The following ZFAND3 variants were observed in gnomAD, a reference collection of about 807,000 sequenced individuals.
ZFAND3 encodes AN1-type zinc finger protein 3.
ZFAND3 carries 10 observed loss-of-function variants against 29.6 expected under a neutral mutation model. The observed-to-expected ratio is 0.34, with a 90% CI of 0.21 to 0.57. ZFAND3 has a LOEUF of 0.57. Among genes scored for constraint, ZFAND3 ranks in the 20% least tolerant of loss-of-function variants. The pLI is 0.86. For missense variants in ZFAND3, 230 were observed against 304.5 expected (o/e 0.76, Z 1.82); for synonymous variants, 128 against 112.6 (o/e 1.14, Z -0.87).
chr6:37,922,077 A>G (rs1761391898), intron 1 of ZFAND3, among the ~76,000 whole-genome samples: 1 of 152,118 alleles, frequency 6.6e-6, no homozygotes, highest in Admixed American at 6.6e-5. Context: ...AATGAAATAT[A>G]AAATATAAAA....
At chr6:37,919,714 G>A (rs1761336815) in intron 1 of ZFAND3, among the ~76,000 whole-genome samples, 2 of 152,098 alleles carry the variant, frequency 1.3e-5, no homozygotes. Context: ...ATCTTCAGAG[G>A]CCTTCTTCAA....
chr6:37,917,822 G>A (rs1202006948), intron 1 of ZFAND3, among the ~76,000 whole-genome samples: 1 of 152,074 alleles, frequency 6.6e-6, no homozygotes, highest in Non-Finnish European at 1.5e-5. Flanking sequence ...CAAACTCCCT[G>A]AGAATGGCCT....
At chr6:38,000,077 G>A (rs1762918334) in intron 2 of ZFAND3, among the ~76,000 whole-genome samples, 1 of 152,090 alleles carries the variant, frequency 6.6e-6, no homozygotes, top group Non-Finnish European at 1.5e-5. Context: ...GGTGGCACAA[G>A]TAGAATTGCT....
At chr6:37,835,548 T>C (rs145679181) in intron 1 of ZFAND3, among the ~76,000 whole-genome samples, 129 of 152,220 alleles carry the variant, frequency 8.5e-4, no homozygotes, top group African/African-American at 3.1e-3. Flanking sequence ...TTTGTATTAT[T>C]TTAAATCCTT....
intron 2 of ZFAND3, among the ~76,000 whole-genome samples, chr6:38,056,166 G>T (rs1328987639): frequency 1.3e-5 from 2 of 152,182 alleles, no homozygotes; most frequent in African/African-American, 4.8e-5. Flanking sequence ...ATAGTGAAAA[G>T]TTGGTAAATG....
intron 2 of ZFAND3, among the ~76,000 whole-genome samples, chr6:38,011,812 C>T (rs1763158549): frequency 1.3e-5 from 2 of 152,120 alleles, no homozygotes; most frequent in Non-Finnish European, 2.9e-5. Flanking sequence ...CATTTATGAT[C>T]ACACCTGATC....
intron 5 of ZFAND3, among the ~76,000 whole-genome samples, chr6:38,120,972 T>C (rs1178566880): frequency 6.6e-6 from 1 of 152,228 alleles, no homozygotes; most frequent in Non-Finnish European, 1.5e-5. Context: ...AATCTGAATA[T>C]GCAGAAAGCA....
chr6:37,881,841 A>G (rs1764901669), intron 1 of ZFAND3, among the ~76,000 whole-genome samples: 1 of 152,030 alleles, frequency 6.6e-6, no homozygotes, highest in African/African-American at 2.4e-5. Flanking sequence ...TAGAATTTCA[A>G]CAATTTTAGT....
chr6:37,932,552 A>T (rs1761619438), intron 2 of ZFAND3, among the ~76,000 whole-genome samples: 1 of 152,226 alleles, frequency 6.6e-6, no homozygotes, highest in Non-Finnish European at 1.5e-5. Flanking sequence ...ATTTGTCCCC[A>T]CATGGAGACC....
At chr6:37,914,430 C>T (rs1202745970) in intron 1 of ZFAND3, among the ~76,000 whole-genome samples, 1 of 152,090 alleles carries the variant, frequency 6.6e-6, no homozygotes, top group Non-Finnish European at 1.5e-5. Context: ...CCTCTGCCTC[C>T]TGTGTTCAAG....
At chr6:37,868,235 CCTGTAGG>C (rs1293897995) in intron 1 of ZFAND3, among the ~76,000 whole-genome samples, 1 of 152,004 alleles carries the variant, frequency 6.6e-6, no homozygotes, top group Non-Finnish European at 1.5e-5. Flanking sequence ...CATTCCCTGC[CCTGTAGG>C]AGTGATAGTT....
chr6:37,910,008 A>G (rs1347866590), intron 1 of ZFAND3, among the ~76,000 whole-genome samples: 2 of 152,202 alleles, frequency 1.3e-5, no homozygotes, highest in African/African-American at 4.8e-5. Context: ...AATTTACATG[A>G]TTTGCGTTTT....
intron 1 of ZFAND3, among the ~76,000 whole-genome samples, chr6:37,919,533 C>T (rs960771744): frequency 6.6e-6 from 1 of 151,654 alleles, no homozygotes; most frequent in African/African-American, 2.4e-5. Context: ...TTTTAGCCTC[C>T]AAGTTGTTTG....
chr6:38,049,227 G>T (rs1763971482), intron 2 of ZFAND3, among the ~76,000 whole-genome samples: 1 of 152,174 alleles, frequency 6.6e-6, no homozygotes, highest in Non-Finnish European at 1.5e-5. Flanking sequence ...TCATACCAGA[G>T]AAATTATTTT....
rs565315219 is a variant in ZFAND3 at position 37,871,897 on chromosome 6, T to G, written c.71+51881T>G. 1.1e-4 allele frequency among the ~76,000 whole-genome samples: 17 copies of G among 152,336 alleles called. No homozygotes were observed. The South Asian group carries it at 3.3e-3, about 30-fold the overall frequency. On this transcript the variant is annotated intron_variant, in intron 1 of 5. Coordinates refer to ENST00000287218, the MANE Select transcript of ZFAND3 (RefSeq NM_021943.3). ...CATTTCACTTGAATGGTCTCAAAATTGAAACCATCTTTCCCACCACCATCA... is the reference window on the plus strand; with the variant it reads ...CATTTCACTTGAATGGTCTCAAAATGGAAACCATCTTTCCCACCACCATCA...
intron 2 of ZFAND3, among the ~76,000 whole-genome samples, chr6:38,016,916 A>G (rs1219896323): frequency 6.6e-6 from 1 of 151,818 alleles, no homozygotes; most frequent in Non-Finnish European, 1.5e-5. Context: ...AGCGAGGAAA[A>G]CTCTTCCTTA....
intron 1 of ZFAND3, among the ~76,000 whole-genome samples, chr6:37,849,890 C>A (rs1187423): frequency 0.32 from 48,530 of 152,042 alleles, 8,177 homozygotes; most frequent in Non-Finnish European, 0.38. Context: ...GCCACCATCT[C>A]CCATCCTTTC....
In ZFAND3 at chr6:38,061,478, G is replaced by GTC. The variant is rs1764238319; in HGVS notation, c.113-115_113-114insTC. On this transcript the variant is annotated intron_variant, in intron 2 of 5. Coordinates refer to ENST00000287218, the MANE Select transcript of ZFAND3 (RefSeq NM_021943.3). ...ACTCCCATGGTTTTTTAGTCACCCA[G>GTC]ATCAGTCTTTATTATTGGTGTTGTT... The GTC allele has an allele frequency of 3.9e-6, 5 of 1,267,640 alleles. No homozygotes were observed. In the South Asian group the frequency reaches 7.6e-5, roughly 19 times the overall value. The allele number at this position is 1,267,640 out of a possible 1,614,324, so 78.5% of individuals were successfully genotyped here.
At chr6:38,067,436 C>T (rs1207683975) in intron 3 of ZFAND3, among the ~76,000 whole-genome samples, 2 of 152,208 alleles carry the variant, frequency 1.3e-5, no homozygotes, top group Non-Finnish European at 2.9e-5. Context: ...CACTCTGGCT[C>T]CAAGGGCCTG....
Sources: allele counts gnomAD v4.1 joint callset (sites outside exome capture counted in the v4.1 genomes callset), GRCh38; gene constraint gnomAD v4.1.1; transcripts MANE v1.5; gene names NCBI Gene and HGNC (gene_info 2026-07-23, HGNC 2026-07-21).